RNF213: variants seen among roughly 807,000 people sequenced by gnomAD.
RNF213 encodes ring finger protein 213.
Under a neutral mutation model 514.4 loss-of-function variants are expected in RNF213, and 341 were observed. That is an observed-to-expected ratio of 0.66 (90% CI 0.61 to 0.73). The LOEUF (loss-of-function observed/expected upper bound fraction) is 0.73, where lower values mean the gene tolerates loss of function less well. RNF213 is among the 30% of genes least tolerant of loss of function. The pLI is 0.00. For missense variants in RNF213, 5,767 were observed against 6,615.6 expected, an observed-to-expected ratio of 0.87 and a Z score of 4.45; for synonymous variants, 2,655 against 2,658.2, an observed-to-expected ratio of 1.00 and a Z score of 0.04.
intron 7 of RNF213, among the ~76,000 whole-genome samples, chr17:80,291,169 A>G (rs1254578358): frequency 6.6e-6 from 1 of 151,784 alleles, no homozygotes; most frequent in African/African-American, 2.4e-5. Flanking sequence ...GAAGATGAAT[A>G]TTTCAGACAG....
chr17:80,375,798 C>T lies in RNF213; in HGVS notation c.13113C>T (p.Phe4371=). ...CCCAAAGCCAGCAGTCAGCCTACTT[C>T]CTGTTAACACTGTTTAGAGAGGTGG... ...KTPQSQQSAY[F]LLTLFREVAI... Residue 4371 remains phenylalanine, a synonymous_variant, in exon 51 of 68, where the codon TTC becomes TTT. Transcript: ENST00000582970. 6.2e-7 allele frequency: 1 copy of T among 1,614,172 alleles called. No homozygotes were observed. Among genetic ancestry groups the T allele is most frequent in the Non-Finnish European group, 8.5e-7 (1 of 1,180,006 alleles).
Position 80,307,343 on chromosome 17 carries a change from G to A in RNF213, c.2501+142G>A, listed in dbSNP as rs944746100. 10 of 577,372 alleles carry A rather than the reference G, an allele frequency of 1.7e-5. No individual in the cohort carries two copies. The African/African-American group carries it at 2.0e-4, about 11-fold the overall frequency. 35.8% of individuals were successfully genotyped at this position (577,372 alleles called of 1,614,324 possible). ...ATATGTGGCCCACTTCTCTTCTCAG[G>A]TTATTAATATTGTCGTCTGTTTTTT... On this transcript the variant is annotated intron_variant, in intron 13 of 67. Transcript: ENST00000582970.
chr17:80,348,562 C>T (rs1430286100), intron 29 of RNF213, among the ~76,000 whole-genome samples: 1 of 152,256 alleles, frequency 6.6e-6, no homozygotes, highest in East Asian at 1.9e-4. Flanking sequence ...GGGCCAAGGG[C>T]ACTAGGGACG....
intron 15 of RNF213, chr17:80,315,577 AGGTGAT>A (rs2045875827): frequency 1.1e-3 from 1 of 932 alleles, no homozygotes; most frequent in African/African-American, 5.3e-3. Context: ...GAGGTAATGG[AGGTGAT>A]GGTGGTGGTG....
rs1282854668 is a variant in RNF213, at chr17:80,298,529, G to T, written c.2210+11G>T. 4.3e-6 allele frequency: 7 copies of T among 1,613,952 alleles called. No individual in the cohort carries two copies. Among genetic ancestry groups the T allele is most frequent in the South Asian group, 1.1e-5 (1 of 91,074 alleles). On this transcript the variant is annotated intron_variant, in intron 11 of 67. Transcript: ENST00000582970. The stretch of plus-strand genomic sequence containing the variant: ...ACAAATGCTAGATACGTAAGTCGTA[G>T]AGTTGTGCTTATCTACATGAATCTG...
intron 2 of RNF213, among the ~76,000 whole-genome samples, chr17:80,266,219 A>C (rs183631135): frequency 6.6e-6 from 1 of 151,224 alleles, no homozygotes; most frequent in Admixed American, 6.6e-5. Flanking sequence ...AGGTGAGTAG[A>C]TCGCTTGAGC....
chr17:80,307,362 G>GTTTTT (rs58826434), intron 13 of RNF213, among the ~76,000 whole-genome samples, 161 bp downstream of exon 13: 6 of 113,708 alleles, frequency 5.3e-5, no homozygotes, highest in African/African-American at 1.0e-4. Flanking sequence ...ATTGTCGTCT[G>GTTTTT]TTTTTTTTTT....
At chr17:80,367,710 C>G (rs1568142516) in intron 42 of RNF213, 38 bp from the exon 43 acceptor site, 3 of 1,563,390 alleles carry the variant, frequency 1.9e-6, no homozygotes, top group Non-Finnish European at 2.6e-6. Flanking sequence ...CCTCAGCCCT[C>G]CCCCCTGCTA....
chr17:80,358,866 G>T (rs755488244), intron 37 of RNF213, among the ~76,000 whole-genome samples: 8 of 152,084 alleles, frequency 5.3e-5, no homozygotes, highest in Non-Finnish European at 1.2e-4. Flanking sequence ...CCGAGATGGC[G>T]CCACTGCACT....
intron 3 of RNF213, among the ~76,000 whole-genome samples, chr17:80,277,204 A>G (rs2044094709): frequency 1.3e-5 from 2 of 152,188 alleles, no homozygotes; most frequent in Admixed American, 6.5e-5. Context: ...AATATCCACG[A>G]TAGACTCACC....
At chr17:80,365,403 C>T (rs1475407712) in intron 42 of RNF213, 3 of 147,466 alleles carry the variant, frequency 2.0e-5, no homozygotes, top group South Asian at 2.2e-4. Context: ...ACCAGCTCCC[C>T]GGAGGCTGGC....
chr17:80,330,887 G>A (rs1032099511), intron 20 of RNF213, among the ~76,000 whole-genome samples: 1 of 151,910 alleles, frequency 6.6e-6, no homozygotes, highest in Admixed American at 6.6e-5. Context: ...GCTCAGTCTC[G>A]GCTCACTGCA....
rs568968988 is a variant in RNF213, at chr17:80,386,629, CAT to C, written c.14721-59_14721-58del. 2.2e-4 allele frequency: 340 copies of C among 1,570,192 alleles called. 2 individuals are homozygous for C. In the South Asian group the frequency reaches 3.5e-3, roughly 16 times the overall value. ...AGAAATGGGAGCCTGCTCCCTGCAACATAGAGCCCTAGGCCCGCATGCCTGGC... is the reference window on the plus strand; with the variant it reads ...AGAAATGGGAGCCTGCTCCCTGCAACAGAGCCCTAGGCCCGCATGCCTGGC... On this transcript the variant is annotated intron_variant, in intron 62 of 67. Coordinates refer to ENST00000582970, the MANE Select transcript of RNF213 (RefSeq NM_001256071.3).
At chr17:80,359,590 AAGAAAGAGCGAGAGAAAGAG>A (rs2078973860) in intron 37 of RNF213, among the ~76,000 whole-genome samples, 1 of 134,632 alleles carries the variant, frequency 7.4e-6, no homozygotes, top group Non-Finnish European at 1.7e-5. Context: ...AAGAAAGAGA[AAGAAAGAGCGAGAGAAAGAG>A]AGAAAGAAAG....
rs117219789 is a variant in RNF213, at chr17:80,300,536, G to A, written c.2210+2018G>A. ...TAGGATTGCAGGCATGAGCCACCAC[G>A]CCTGGCCTCATTGTGGTTTTTGTTT... On this transcript the variant is annotated intron_variant, in intron 11 of 67. Transcript: ENST00000582970. 1.8e-3 allele frequency among the ~76,000 whole-genome samples: 277 copies of A among 151,948 alleles called. 9 individuals carry two copies. The South Asian group carries it at 0.026, about 15-fold the overall frequency.
intron 67 of RNF213, among the ~76,000 whole-genome samples, chr17:80,392,076 C>T (rs1334047279): frequency 6.6e-6 from 1 of 152,034 alleles, no homozygotes; most frequent in African/African-American, 2.4e-5. Context: ...CCTGTCCTCT[C>T]TCTTCTTGTG....
chr17:80,307,070 T>A, intron 12 of RNF213, 58 bp from the exon 13 acceptor site: 2 of 1,541,336 alleles, frequency 1.3e-6, no homozygotes, highest in Admixed American at 3.3e-5. Flanking sequence ...GTTTTAGCAA[T>A]GACAGTGGCA....
In RNF213 at chr17:80,377,405, GT is replaced by G. The variant is rs1372214097; in HGVS notation, c.13511-352del. Among the ~76,000 whole-genome samples, 3 of 147,844 alleles carry G rather than the reference GT, an allele frequency of 2.0e-5. No individual in the cohort carries two copies. The highest frequency in any genetic ancestry group is 4.5e-5 in the Non-Finnish European group (3 of 67,138). On this transcript the variant is annotated intron_variant, in intron 53 of 67. Coordinates refer to ENST00000582970, the MANE Select transcript of RNF213 (RefSeq NM_001256071.3). The surrounding 1 kb of genome is among the most constrained non-coding windows in gnomAD (Gnocchi z 4.1). ...TGCCTGAGTAAATATTTTAAAACTA[GT>G]TTTTAAAGTTGTTATAAAATATGCT...
At chr17:80,368,441 T>TC (rs2079369820) in intron 44 of RNF213, among the ~76,000 whole-genome samples, 1 of 151,564 alleles carries the variant, frequency 6.6e-6, no homozygotes, top group East Asian at 1.9e-4. Flanking sequence ...GTGTTTTTTT[T>TC]TTTTTTTTTG....
Sources: gnomAD v4.1 joint callset for allele counts (sites outside exome capture counted in the v4.1 genomes callset) on GRCh38, gnomAD v4.1.1 for gene constraint, Gnocchi (gnomAD v3.1) non-coding constraint, MANE v1.5 for transcripts, NCBI Gene and HGNC (gene_info 2026-07-23, HGNC 2026-07-21) for gene names.